Variants in ERC1 observed in about 807,000 individuals in gnomAD.
ERC1 encodes RAB6 interacting protein 2.
Under a neutral mutation model 132.0 loss-of-function variants are expected in ERC1, and 56 were observed. The ratio of observed to expected loss-of-function variants is 0.42; its 90% CI spans 0.34 to 0.53. The LOEUF (loss-of-function observed/expected upper bound fraction) is 0.53, where lower values mean the gene tolerates loss of function less well. Among genes scored for constraint, ERC1 ranks in the 20% least tolerant of loss-of-function variants. The pLI, the probability that ERC1 is intolerant of heterozygous loss-of-function variation, is 0.03. For synonymous variants in ERC1, 478 were observed against 476.1 expected (o/e 1.00, Z -0.05); for missense variants, 1,202 against 1,349.9 (o/e 0.89, Z 1.72).
chr12:1,422,274 A>G (rs1398092822), intron 17 of ERC1, among the ~76,000 whole-genome samples: 1 of 152,246 alleles, frequency 6.6e-6, no homozygotes, highest in African/African-American at 2.4e-5. Flanking sequence ...AGATGGAGTC[A>G]GGTTAGATTT....
At chr12:998,304 A>G (rs1961375640) in intron 1 of ERC1, 1 of 152,236 alleles carries the variant, frequency 6.6e-6, no homozygotes, top group Admixed American at 6.5e-5. Context: ...CTAACTTAAG[A>G]AACATTTATT....
intron 15 of ERC1, among the ~76,000 whole-genome samples, chr12:1,320,748 C>G (rs1265464280): frequency 6.6e-6 from 1 of 152,184 alleles, no homozygotes; most frequent in Non-Finnish European, 1.5e-5. Flanking sequence ...GTCGCCCAGG[C>G]TGGAGTGCAG....
intron 3 of ERC1, among the ~76,000 whole-genome samples, chr12:1,094,058 G>A (rs533260905): frequency 1.4e-5 from 2 of 140,748 alleles, no homozygotes; most frequent in East Asian, 2.2e-4. Flanking sequence ...TGGCTCTGTC[G>A]CCCAGGCTGG....
At chr12:1,339,599 CA>C (rs1387948166) in intron 15 of ERC1, among the ~76,000 whole-genome samples, 7 of 113,492 alleles carry the variant, frequency 6.2e-5, no homozygotes, top group Non-Finnish European at 1.3e-4. Flanking sequence ...TAGCAGGTGC[CA>C]GGGGGTGCCA....
At chr12:1,193,272 C>G (rs1190635248) in intron 12 of ERC1, among the ~76,000 whole-genome samples, 1 of 152,034 alleles carries the variant, frequency 6.6e-6, no homozygotes, top group African/African-American at 2.4e-5. Context: ...TCTCTTGACC[C>G]ACTGCAATTT....
At chr12:1,246,286 C>T (rs2076154745) in intron 13 of ERC1, among the ~76,000 whole-genome samples, 1 of 151,442 alleles carries the variant, frequency 6.6e-6, no homozygotes, top group African/African-American at 2.4e-5. Flanking sequence ...GGTGAATCTA[C>T]ACAAAGGAGA....
At chr12:1,488,465 G>C (rs888018337) in intron 18 of ERC1, among the ~76,000 whole-genome samples, 1 of 152,116 alleles carries the variant, frequency 6.6e-6, no homozygotes, top group Non-Finnish European at 1.5e-5. Flanking sequence ...GGCAGAGGCG[G>C]GATTACTTGA....
intron 15 of ERC1, among the ~76,000 whole-genome samples, chr12:1,319,683 C>G (rs2081987142): frequency 6.6e-6 from 1 of 152,098 alleles, no homozygotes; most frequent in Non-Finnish European, 1.5e-5. Context: ...CATTTAGGCT[C>G]ATATATGTTA....
At chr12:1,094,435 G>A (rs1237711297) in intron 3 of ERC1, among the ~76,000 whole-genome samples, 54 of 108,356 alleles carry the variant, frequency 5.0e-4, no homozygotes, top group African/African-American at 1.4e-3. Flanking sequence ...TTTGGCAACA[G>A]AGTCTCGCTC....
chr12:1,440,567 C>T (rs2154408365), intron 17 of ERC1, among the ~76,000 whole-genome samples: 2 of 145,566 alleles, frequency 1.4e-5, no homozygotes, highest in South Asian at 4.5e-4. Context: ...GTCTCAAACT[C>T]CTGGCCTTAA....
intron 1 of ERC1, among the ~76,000 whole-genome samples, chr12:1,026,657 A>G (rs925149614): frequency 2.0e-5 from 3 of 152,246 alleles, no homozygotes; most frequent in African/African-American, 4.8e-5. Flanking sequence ...GGATACATAT[A>G]AACAGTAAGT....
chr12:1,138,039 A>G lies in ERC1; in HGVS notation c.1570-3581A>G, dbSNP rs1779895909. Among the ~76,000 whole-genome samples, 3 of 121,572 alleles carry G rather than the reference A, an allele frequency of 2.5e-5. No homozygotes were observed. In the South Asian group the frequency reaches 7.0e-4, roughly 28 times the overall value. The allele number at this position is 121,572 out of a possible 152,430, so 79.8% of individuals were successfully genotyped here. On this transcript the variant is annotated intron_variant, in intron 7 of 18. Coordinates refer to ENST00000360905, the MANE Select transcript of ERC1 (RefSeq NM_178040.4). ...AAATGTATATATTATATAATTATATATAAAATACAATTATATATAATTATA... is the reference window on the plus strand; with the variant it reads ...AAATGTATATATTATATAATTATATGTAAAATACAATTATATATAATTATA...
intron 2 of ERC1, among the ~76,000 whole-genome samples, chr12:1,061,997 T>A (rs1465374138): frequency 2.1e-5 from 3 of 143,684 alleles, no homozygotes; most frequent in African/African-American, 7.7e-5. Context: ...TTCTTTTTTT[T>A]TTTTTTTTTT....
intron 15 of ERC1, among the ~76,000 whole-genome samples, chr12:1,317,665 T>C (rs915963120): frequency 5.3e-5 from 8 of 152,230 alleles, no homozygotes; most frequent in Non-Finnish European, 1.0e-4. Context: ...GTATTTCAAA[T>C]GTCTGCATAC....
At chr12:1,094,427 T>TC (rs57827263) in intron 3 of ERC1, among the ~76,000 whole-genome samples, 1 of 145,698 alleles carries the variant, frequency 6.9e-6, no homozygotes, top group Non-Finnish European at 1.5e-5. Context: ...TTTTTTTTTT[T>TC]GGCAACAGAG....
At chr12:1,374,775 T>G (rs1219385386) in intron 16 of ERC1, among the ~76,000 whole-genome samples, 1 of 151,844 alleles carries the variant, frequency 6.6e-6, no homozygotes, top group Non-Finnish European at 1.5e-5. Flanking sequence ...CCCTGTGTGC[T>G]CTACACAGAT....
intron 2 of ERC1, among the ~76,000 whole-genome samples, chr12:1,056,598 G>A (rs1361068500): frequency 6.6e-6 from 1 of 152,082 alleles, no homozygotes; most frequent in African/African-American, 2.4e-5. Context: ...ATTTGCCTAG[G>A]GTGCAAAAAT....
At chr12:1,255,739 TCTC>T (rs1469400669) in intron 13 of ERC1, among the ~76,000 whole-genome samples, 1 of 148,494 alleles carries the variant, frequency 6.7e-6, no homozygotes, top group Non-Finnish European at 1.5e-5. Context: ...TTCACGCCAT[TCTC>T]CTGCCTCAGC....
chr12:1,243,452 T>C (rs1429376988), intron 13 of ERC1, among the ~76,000 whole-genome samples: 5 of 150,846 alleles, frequency 3.3e-5, no homozygotes, highest in Non-Finnish European at 7.4e-5. Flanking sequence ...AGGTGCTATG[T>C]AGGGATGTAA....
Sources: gnomAD v4.1 joint callset for allele counts (sites outside exome capture counted in the v4.1 genomes callset) on GRCh38, gnomAD v4.1.1 for gene constraint, MANE v1.5 for transcripts, NCBI Gene and HGNC (gene_info 2026-07-23, HGNC 2026-07-21) for gene names.